Variants in PTPRG observed in about 807,000 individuals in gnomAD.
PTPRG encodes protein tyrosine phosphatase receptor type G, also known as receptor-type tyrosine-protein phosphatase gamma.
PTPRG carries 102 observed loss-of-function variants against 165.3 expected under a neutral mutation model. The observed-to-expected ratio is 0.62, with a 90% CI of 0.53 to 0.73. The LOEUF (loss-of-function observed/expected upper bound fraction) is 0.73, where lower values mean the gene tolerates loss of function less well. Among genes scored for constraint, PTPRG ranks in the 30% least tolerant of loss-of-function variants. The probability of loss-of-function intolerance (pLI) is 0.00; values close to 1 mark genes in which losing one functional copy is unlikely to be tolerated. For missense variants in PTPRG, 1,866 were observed against 1,861.4 expected (o/e 1.00, Z -0.05); for synonymous variants, 675 against 669.5 (o/e 1.01, Z -0.13).
At chr3:61,731,627 G>A (rs535380606) in intron 1 of PTPRG, among the ~76,000 whole-genome samples, 7 of 152,062 alleles carry the variant, frequency 4.6e-5, no homozygotes, top group South Asian at 2.1e-4. Context: ...GATTACAGGC[G>A]TGAGCCACTG....
rs118183057 is a variant in PTPRG, at chr3:61,798,169, C to G, written c.190+49187C>G. 6.3e-3 allele frequency among the ~76,000 whole-genome samples: 964 copies of G among 152,226 alleles called. 19 individuals are homozygous for G. Among genetic ancestry groups the G allele is most frequent in the East Asian group, 0.052 (269 of 5,182 alleles). On this transcript the variant is annotated intron_variant, in intron 2 of 29. Transcript: ENST00000474889. Reference sequence around the variant, plus strand: ...CTCTTTCCACAAAGATTAACCCTGCCCAGTATCATGGGGAGCTTTTAAAGA... The same window carrying G: ...CTCTTTCCACAAAGATTAACCCTGCGCAGTATCATGGGGAGCTTTTAAAGA...
chr3:61,749,106 C>T, intron 2 of PTPRG, 124 bp downstream of exon 2: 2 of 837,876 alleles, frequency 2.4e-6, no homozygotes, highest in South Asian at 2.9e-5. Context: ...TCGTAGTTCA[C>T]TAAAAGTTGA....
chr3:61,968,981 T>C (rs1437578541), intron 2 of PTPRG, among the ~76,000 whole-genome samples: 1 of 152,232 alleles, frequency 6.6e-6, no homozygotes, highest in Non-Finnish European at 1.5e-5. Context: ...ATGTCACGTA[T>C]AATTAAAACT....
chr3:62,159,960 C>T (rs959577753), intron 7 of PTPRG, among the ~76,000 whole-genome samples: 3 of 152,186 alleles, frequency 2.0e-5, no homozygotes, highest in Non-Finnish European at 4.4e-5. Flanking sequence ...CCACCCTGAC[C>T]CTGCCAACAT....
At chr3:61,720,087 CT>C (rs2031984760) in intron 1 of PTPRG, among the ~76,000 whole-genome samples, 1 of 151,906 alleles carries the variant, frequency 6.6e-6, no homozygotes, top group African/African-American at 2.4e-5. Context: ...CTCCTCCGTC[CT>C]GCTTAGGGGG....
rs2038072748 is a variant in PTPRG, at chr3:61,887,165, TA to T, written c.191-102459del. Among the ~76,000 whole-genome samples, 6 of 135,394 alleles carry T rather than the reference TA, an allele frequency of 4.4e-5. 1 individual carries two copies. Among genetic ancestry groups the T allele is most frequent in the Admixed American group, 3.7e-4 (5 of 13,484 alleles). 88.8% of individuals were successfully genotyped at this position (135,394 alleles called of 152,430 possible). On this transcript the variant is annotated intron_variant, in intron 2 of 29. Transcript: ENST00000474889. ...ATATATATATATATATATATATATA[TA>T]TATATTTTTAATGCCATCATCAAAC...
intron 2 of PTPRG, among the ~76,000 whole-genome samples, chr3:61,783,491 A>G (rs1172285031): frequency 6.6e-6 from 1 of 152,226 alleles, no homozygotes; most frequent in Non-Finnish European, 1.5e-5. Flanking sequence ...TAATGCAGAA[A>G]TGCATTGGTT....
intron 2 of PTPRG, among the ~76,000 whole-genome samples, chr3:61,965,360 C>T (rs891326170): frequency 6.6e-5 from 10 of 151,060 alleles, no homozygotes; most frequent in South Asian, 2.1e-4. Flanking sequence ...TGCTAGTGCA[C>T]GCCTGTAATC....
At chr3:61,794,539 T>G (rs2034990827) in intron 2 of PTPRG, among the ~76,000 whole-genome samples, 1 of 152,204 alleles carries the variant, frequency 6.6e-6, no homozygotes, top group Non-Finnish European at 1.5e-5. Flanking sequence ...GTTTAAATAT[T>G]TTGTTGTTTT....
intron 1 of PTPRG, among the ~76,000 whole-genome samples, chr3:61,628,501 T>C (rs748163763): frequency 4.6e-5 from 7 of 152,008 alleles, no homozygotes; most frequent in Non-Finnish European, 7.4e-5. Context: ...GTTGTTGTTA[T>C]TGTTGTATTT....
intron 4 of PTPRG, among the ~76,000 whole-genome samples, chr3:62,052,701 A>G (rs1276220631): frequency 6.6e-6 from 1 of 152,142 alleles, no homozygotes; most frequent in East Asian, 1.9e-4. Context: ...TCTTAAAAAA[A>G]AAAGAAAGAA....
At chr3:61,806,659 A>G (rs114040054) in intron 2 of PTPRG, among the ~76,000 whole-genome samples, 2,526 of 152,208 alleles carry the variant, frequency 0.017, 61 homozygotes, top group African/African-American at 0.058. Context: ...GGTTATACCT[A>G]TTGGCAAATG....
intron 2 of PTPRG, among the ~76,000 whole-genome samples, chr3:61,913,103 A>G (rs1331386049): frequency 6.6e-6 from 1 of 152,176 alleles, no homozygotes; most frequent in Non-Finnish European, 1.5e-5. Flanking sequence ...ATGTGCAGTT[A>G]TGTTATATGG....
At chr3:61,885,202 A>G (rs1466215202) in intron 2 of PTPRG, among the ~76,000 whole-genome samples, 1 of 152,054 alleles carries the variant, frequency 6.6e-6, no homozygotes, top group Non-Finnish European at 1.5e-5. Flanking sequence ...ACGGTAAACT[A>G]TGACAGTTTG....
intron 4 of PTPRG, among the ~76,000 whole-genome samples, chr3:62,031,484 G>A (rs552263710): frequency 6.6e-6 from 1 of 152,268 alleles, no homozygotes; most frequent in South Asian, 2.1e-4. Context: ...GAGGTAGACA[G>A]GGGATATGAC....
chr3:62,009,346 A>T (rs183454565), intron 4 of PTPRG, among the ~76,000 whole-genome samples: 1 of 152,236 alleles, frequency 6.6e-6, no homozygotes, highest in East Asian at 1.9e-4. Context: ...CAGCATTCTT[A>T]GGCAAAGTTC....
At position 61,646,167 on chromosome 3, in the gene PTPRG, G is replaced by A. The variant is rs146075738; in HGVS notation, c.85+83795G>A. On this transcript the variant is annotated intron_variant, in intron 1 of 29. Transcript: ENST00000474889. The stretch of plus-strand genomic sequence containing the variant: ...GTCACCCAGGCTGGAGTGCAGTGGC[G>A]CAGTCTTGGCTCACTGCCACCTCCA... Among the ~76,000 whole-genome samples the A allele has an allele frequency of 9.5e-4, 144 of 152,118 alleles. No individual in the cohort carries two copies. The South Asian group carries it at 0.011, about 12-fold the overall frequency.
At position 61,887,161 on chromosome 3, in the gene PTPRG, TA is replaced by T. The variant is rs2038071224; in HGVS notation, c.191-102463del. On this transcript the variant is annotated intron_variant, in intron 2 of 29. Coordinates refer to ENST00000474889, the MANE Select transcript of PTPRG (RefSeq NM_002841.4). The stretch of plus-strand genomic sequence containing the variant: ...ATATATATATATATATATATATATA[TA>T]TATATATATTTTTAATGCCATCATC... 8.6e-5 allele frequency among the ~76,000 whole-genome samples: 8 copies of T among 92,748 alleles called. No individual in the cohort carries two copies. In the East Asian group the frequency reaches 1.4e-3, roughly 17 times the overall value. 60.8% of individuals were successfully genotyped at this position (92,748 alleles called of 152,430 possible).
intron 2 of PTPRG, among the ~76,000 whole-genome samples, chr3:61,832,648 C>T (rs760440957): frequency 1.2e-4 from 19 of 152,100 alleles, no homozygotes; most frequent in Admixed American, 4.6e-4. Context: ...AACTGAGATG[C>T]AGAATATGCT....
Sources: gnomAD v4.1 joint callset for allele counts (sites outside exome capture counted in the v4.1 genomes callset) on GRCh38, gnomAD v4.1.1 for gene constraint, MANE v1.5 for transcripts, NCBI Gene and HGNC (gene_info 2026-07-23, HGNC 2026-07-21) for gene names.